Variants in RAB11FIP5 observed in about 807,000 individuals in gnomAD.
RAB11FIP5 encodes the protein rab11 family-interacting protein 5.
Under a neutral mutation model 85.1 loss-of-function variants are expected in RAB11FIP5, and 48 were observed. That is an observed-to-expected ratio of 0.56 (90% CI 0.45 to 0.72). RAB11FIP5 has a LOEUF of 0.72. RAB11FIP5 is among the 30% of genes least tolerant of loss of function. The probability of loss-of-function intolerance (pLI) is 0.00; values close to 1 mark genes in which losing one functional copy is unlikely to be tolerated. For missense variants in RAB11FIP5, 1,491 were observed against 1,687.0 expected, an observed-to-expected ratio of 0.88 and a Z score of 2.04; for synonymous variants, 729 against 727.3, an observed-to-expected ratio of 1.00 and a Z score of -0.04.
chr2:73,090,496 C>T (rs371747606), intron 1 of RAB11FIP5, among the ~76,000 whole-genome samples: 1 of 152,166 alleles, frequency 6.6e-6, no homozygotes, highest in African/African-American at 2.4e-5. Context: ...TGGAAGCTGC[C>T]AAGGTGTCCT....
chr2:73,078,677 G>C lies in RAB11FIP5; in HGVS notation c.3581+974C>G, dbSNP rs775893035. 4.6e-5 allele frequency among the ~76,000 whole-genome samples: 7 copies of C among 152,340 alleles called. No individual in the cohort carries two copies. Among genetic ancestry groups the C allele is most frequent in the Non-Finnish European group, 1.0e-4 (7 of 68,032 alleles). The stretch of plus-strand genomic sequence containing the variant: ...TCTGTTCAGCATCTGACACATAGTA[G>C]GTGCTCAGTGAATGTGGATGACCAA... On this transcript the variant is annotated intron_variant, in intron 4 of 5. Coordinates refer to ENST00000486777, the MANE Select transcript of RAB11FIP5 (RefSeq NM_001371272.1). The surrounding 1 kb of genome is among the most constrained non-coding windows in gnomAD (Gnocchi z 4.4).
intron 3 of RAB11FIP5, among the ~76,000 whole-genome samples, chr2:73,082,040 CTTT>C (rs11409259): frequency 6.9e-5 from 9 of 129,884 alleles, no homozygotes; most frequent in Non-Finnish European, 8.1e-5. Context: ...CCTTACATCC[CTTT>C]TTTTTTTTTT....
chr2:73,110,777 T>C (rs1684640409), intron 1 of RAB11FIP5, among the ~76,000 whole-genome samples: 1 of 151,922 alleles, frequency 6.6e-6, no homozygotes, highest in Non-Finnish European at 1.5e-5. Flanking sequence ...GGAGCCTTTT[T>C]TTGGTCTGCC....
intron 4 of RAB11FIP5, 144 bp downstream of exon 4, chr2:73,079,507 T>A: frequency 9.3e-7 from 1 of 1,070,708 alleles, no homozygotes; most frequent in Non-Finnish European, 1.2e-6. Flanking sequence ...TCAAAGCCTG[T>A]ACCGTCTTGC....
At position 73,088,505 on chromosome 2, in the gene RAB11FIP5, G is replaced by A; in HGVS notation, c.1113C>T (p.Val371=). The part of the protein sequence containing the change: ...SLPSSGSLQA[V]SSRFSEEGPR... ...GCCCCTCCTCGGAGAACCGGGAAGA[G>A]ACAGCTTGCAAGGAGCCAGAGGATG... The change falls in exon 3 of 6, where the codon GTC becomes GTT. Residue 371 remains valine (V), a synonymous_variant. Transcript: ENST00000486777. 1 of 1,614,040 alleles carries A rather than the reference G, an allele frequency of 6.2e-7. No individual in the cohort carries two copies. Among genetic ancestry groups the A allele is most frequent in the Non-Finnish European group, 8.5e-7 (1 of 1,180,056 alleles).
rs759258203 is a variant in RAB11FIP5 at position 73,112,735 on chromosome 2, G to A, written c.43C>T (p.Arg15Cys). 4.6e-6 allele frequency: 7 copies of A among 1,508,808 alleles called. No homozygotes were observed. The Middle Eastern group carries it at 5.5e-4, about 120-fold the overall frequency. 93.5% of individuals were successfully genotyped at this position (1,508,808 alleles called of 1,614,324 possible). A position where few individuals can be genotyped will look rare whatever the true frequency, so the allele number is the denominator to read the frequency against. Residue 15 changes from arginine (R) to cysteine (C), a missense_variant, in exon 1 of 6, where the codon CGC (arginine) becomes TGC (cysteine). This residue lies in a region of RAB11FIP5 where 1,211 missense variants were observed against 1,338.0 expected (regional missense o/e 0.91). Transcript: ENST00000486777. ...RGAEPAAGPS[R>C]WLPTHVQVTV... is the part of the protein sequence containing the mutation. ...ACCTGGACGTGCGTGGGCAGCCAGC[G>A]GGAAGGCCCCGCCGCCGGCTCCGCG...
intron 1 of RAB11FIP5, among the ~76,000 whole-genome samples, chr2:73,095,329 G>A (rs1684296280): frequency 6.6e-6 from 1 of 152,240 alleles, no homozygotes; most frequent in African/African-American, 2.4e-5. Flanking sequence ...AGCTACTGAT[G>A]CTGCTCTTCA....
intron 1 of RAB11FIP5, among the ~76,000 whole-genome samples, chr2:73,105,269 A>T (rs1684502397): frequency 6.6e-6 from 1 of 151,654 alleles, no homozygotes; most frequent in Non-Finnish European, 1.5e-5. Context: ...TTGAGACAGG[A>T]TCTTGCTCTG....
intron 1 of RAB11FIP5, among the ~76,000 whole-genome samples, chr2:73,111,944 C>T (rs971685275): frequency 3.3e-5 from 5 of 152,192 alleles, no homozygotes; most frequent in Admixed American, 1.3e-4. Flanking sequence ...CTCCACTCCC[C>T]TGCCGGACAG....
At chr2:73,102,823 G>C (rs772150105) in intron 1 of RAB11FIP5, among the ~76,000 whole-genome samples, 2 of 152,226 alleles carry the variant, frequency 1.3e-5, no homozygotes, top group East Asian at 3.8e-4. Context: ...TGGAAGATGG[G>C]AGACCTAGGT....
chr2:73,081,609 G>C lies in RAB11FIP5; in HGVS notation c.1623C>G (p.Leu541=). The C allele has an allele frequency of 4.1e-6, 5 of 1,220,982 alleles. No individual in the cohort carries two copies. The highest frequency in any genetic ancestry group is 5.1e-6 in the Non-Finnish European group (5 of 977,636). 75.6% of individuals were successfully genotyped at this position (1,220,982 alleles called of 1,614,324 possible). Residue 541 remains leucine, a synonymous_variant, in exon 4 of 6, where the codon CTC becomes CTG. Transcript: ENST00000486777. The surrounding 1 kb of genome is among the most constrained non-coding windows in gnomAD (Gnocchi z 4.2). The stretch of plus-strand genomic sequence containing the variant: ...GGGCCGGAGCCCAGGGGGAGCAGGG[G>C]AGGTGGTGAGGAAGAGCAGCTGGGT... ...ESDPAALPHH[L]PCSPWAPAPP... is the part of the protein sequence containing the mutation.
At chr2:73,111,443 C>T (rs191957524) in intron 1 of RAB11FIP5, among the ~76,000 whole-genome samples, 1 of 152,322 alleles carries the variant, frequency 6.6e-6, no homozygotes, top group East Asian at 1.9e-4. Flanking sequence ...TTGAGTGATC[C>T]ACAGCAGGCT....
intron 1 of RAB11FIP5, among the ~76,000 whole-genome samples, chr2:73,094,297 G>A (rs990568709): frequency 6.6e-6 from 1 of 152,036 alleles, no homozygotes; most frequent in Non-Finnish European, 1.5e-5. Flanking sequence ...GGGGCACTGG[G>A]CTTAGGAACT....
chr2:73,079,636 G>A lies in RAB11FIP5; in HGVS notation c.3581+15C>T. 1 of 1,232,838 alleles carries A rather than the reference G, an allele frequency of 8.1e-7. No individual in the cohort carries two copies. Among genetic ancestry groups the A allele is most frequent in the Non-Finnish European group, 1.0e-6 (1 of 988,510 alleles). 76.4% of individuals were successfully genotyped at this position (1,232,838 alleles called of 1,614,324 possible). ...CCCCTTCCTCCTGGACAGTGTTCTGGGGGTGGATGCTCACCTGGCACTGGG... is the reference window on the plus strand; with the variant it reads ...CCCCTTCCTCCTGGACAGTGTTCTGAGGGTGGATGCTCACCTGGCACTGGG... On this transcript the variant is annotated intron_variant, in intron 4 of 5. Transcript: ENST00000486777.
At position 73,112,451 on chromosome 2, in the gene RAB11FIP5, C is replaced by A; in HGVS notation, c.327G>T (p.Val109=). ...TGAGCGAGCGGTGCATGGTGGTGAGCACCAGCTCGCAGGCGGCGGCGGAGC... is the reference window on the plus strand; with the variant it reads ...TGAGCGAGCGGTGCATGGTGGTGAGAACCAGCTCGCAGGCGGCGGCGGAGC... ...AASSAAACEL[V]LTTMHRSLIG... Residue 109 remains valine, a synonymous_variant, in exon 1 of 6, where the codon GTG becomes GTT. Transcript: ENST00000486777. The A allele has an allele frequency of 6.6e-7, 1 of 1,522,844 alleles. No homozygotes were observed. Among genetic ancestry groups the A allele is most frequent in the Non-Finnish European group, 8.7e-7 (1 of 1,145,548 alleles). The allele number at this position is 1,522,844 out of a possible 1,614,324, so 94.3% of individuals were successfully genotyped here.
intron 4 of RAB11FIP5, among the ~76,000 whole-genome samples, chr2:73,077,169 G>C (rs138711332): frequency 0.011 from 1,639 of 152,302 alleles, 20 homozygotes; most frequent in African/African-American, 0.037. Flanking sequence ...GTCAGGTGCA[G>C]ACTGGCTTGC....
chr2:73,098,012 T>C (rs1684355373), intron 1 of RAB11FIP5, among the ~76,000 whole-genome samples: 1 of 152,204 alleles, frequency 6.6e-6, no homozygotes, highest in Non-Finnish European at 1.5e-5. Context: ...AATTACATCT[T>C]ACTCAATCCT....
In RAB11FIP5 at chr2:73,088,535, C is replaced by G; in HGVS notation, c.1083G>C (p.Ser361=). The G allele has an allele frequency of 6.2e-7, 1 of 1,613,934 alleles. No homozygotes were observed. Among genetic ancestry groups the G allele is most frequent in the South Asian group, 1.1e-5 (1 of 91,084 alleles). The part of the protein sequence containing the change: ...PVRHRSSISG[S]LPSSGSLQAV... ...CTTGCAAGGAGCCAGAGGATGGAAG[C>G]GAGCCCGAGATGGAGCTGCGGTGCC... Residue 361 remains serine (S), a synonymous_variant, in exon 3 of 6, where the codon TCG becomes TCC. Coordinates refer to ENST00000486777, the MANE Select transcript of RAB11FIP5 (RefSeq NM_001371272.1).
Position 73,075,494 on chromosome 2 carries a change from A to C in RAB11FIP5, c.*27T>G, listed in dbSNP as rs1490966364. On this transcript the variant is annotated 3_prime_UTR_variant, in exon 6 of 6. Coordinates refer to ENST00000486777, the MANE Select transcript of RAB11FIP5 (RefSeq NM_001371272.1). This position sits in a 1 kb window ranked among gnomAD's most constrained non-coding sequence, Gnocchi z 4.6. Reference sequence around the variant, plus strand: ...GGCAGGCAGCAATAGGTCCATGCCAACCCTCCTGGGGGTAGGGTGAGGAAG... The same window carrying C: ...GGCAGGCAGCAATAGGTCCATGCCACCCCTCCTGGGGGTAGGGTGAGGAAG... 6.2e-7 allele frequency: 1 copy of C among 1,608,636 alleles called. No homozygotes were observed. Among genetic ancestry groups the C allele is most frequent in the Admixed American group, 1.7e-5 (1 of 59,964 alleles).
Sources: gnomAD v4.1 joint callset for allele counts (sites outside exome capture counted in the v4.1 genomes callset) on GRCh38, gnomAD v4.1.1 for gene constraint, gnomAD v4.1.1 regional missense constraint, Gnocchi (gnomAD v3.1) non-coding constraint, MANE v1.5 for transcripts, NCBI Gene and HGNC (gene_info 2026-07-23, HGNC 2026-07-21) for gene names.